Variants in STX18 observed in about 807,000 individuals in gnomAD.
The protein encoded by STX18 is syntaxin-18.
STX18 carries 40 observed loss-of-function variants against 50.1 expected under a neutral mutation model. The ratio of observed to expected loss-of-function variants is 0.80; its 90% CI spans 0.62 to 1.04. The LOEUF is 1.04. STX18 is among the 50% of genes least tolerant of loss of function. STX18 has a pLI of 0.00. For synonymous variants in STX18, 158 were observed against 151.8 expected, an observed-to-expected ratio of 1.04 and a Z score of -0.30; for missense variants, 410 against 415.8, an observed-to-expected ratio of 0.99 and a Z score of 0.12.
intron 5 of STX18, among the ~76,000 whole-genome samples, chr4:4,439,968 T>C (rs942557011): frequency 2.6e-5 from 4 of 152,238 alleles, no homozygotes; most frequent in African/African-American, 9.6e-5. Context: ...TATCTGTTGG[T>C]TGTCAGCCTT....
At chr4:4,486,327 A>C (rs1174149433) in intron 1 of STX18, among the ~76,000 whole-genome samples, 16 of 152,222 alleles carry the variant, frequency 1.1e-4, no homozygotes, top group Admixed American at 1.0e-3. Flanking sequence ...AGAACTTTGG[A>C]AAGTCTGCTC....
chr4:4,441,146 C>T (rs529608631), intron 5 of STX18, among the ~76,000 whole-genome samples: 2 of 152,318 alleles, frequency 1.3e-5, no homozygotes, highest in South Asian at 4.1e-4. Flanking sequence ...AGCTTCAGTG[C>T]CTTTCATGAC....
chr4:4,473,427 G>C (rs1332370588), intron 1 of STX18, among the ~76,000 whole-genome samples: 1 of 151,600 alleles, frequency 6.6e-6, no homozygotes, highest in Non-Finnish European at 1.5e-5. Context: ...GGAGTAGCTG[G>C]GACTACAGGC....
In STX18 at chr4:4,419,757, A is replaced by C. The variant is rs1293509805; in HGVS notation, c.*277T>G. The C allele has an allele frequency of 3.2e-6, 1 of 314,224 alleles. No individual in the cohort carries two copies. Among genetic ancestry groups the C allele is most frequent in the Non-Finnish European group, 5.9e-6 (1 of 168,124 alleles). 19.5% of individuals were successfully genotyped at this position (314,224 alleles called of 1,614,324 possible). The stretch of plus-strand genomic sequence containing the variant: ...CCTCAAGTTCAAGGAGCAGCTAATC[A>C]CCCACTCCTGCATTCAGTCTGTCTT... On this transcript the variant is annotated 3_prime_UTR_variant, in exon 11 of 11. Coordinates refer to ENST00000306200, the MANE Select transcript of STX18 (RefSeq NM_016930.4).
intron 1 of STX18, among the ~76,000 whole-genome samples, chr4:4,539,283 G>A (rs1731474223): frequency 6.6e-6 from 1 of 152,226 alleles, no homozygotes; most frequent in African/African-American, 2.4e-5. Context: ...CATTAAGTCT[G>A]ACAACCAGGG....
At chr4:4,507,483 T>C (rs1413730726) in intron 1 of STX18, 2 of 763,726 alleles carry the variant, frequency 2.6e-6, no homozygotes, top group African/African-American at 1.7e-5. Flanking sequence ...ATATTATCTT[T>C]ATCGCTCAGA....
chr4:4,487,646 T>A (rs1728757023), intron 1 of STX18, among the ~76,000 whole-genome samples: 1 of 152,142 alleles, frequency 6.6e-6, no homozygotes, highest in Non-Finnish European at 1.5e-5. Context: ...CAGCCTTCTG[T>A]CGCCTCCCCC....
At chr4:4,437,508 G>T in intron 6 of STX18, 1 of 598,172 alleles carries the variant, frequency 1.7e-6, no homozygotes, top group Non-Finnish European at 2.1e-6. Flanking sequence ...ATGCAAATAT[G>T]CAAAAATTTG....
intron 1 of STX18, among the ~76,000 whole-genome samples, chr4:4,523,616 C>T (rs1037098192): frequency 6.6e-6 from 1 of 152,170 alleles, no homozygotes; most frequent in African/African-American, 2.4e-5. Context: ...CAGCTCTTCT[C>T]AAATATATCG....
intron 1 of STX18, among the ~76,000 whole-genome samples, chr4:4,508,657 T>C (rs1234975982): frequency 6.6e-6 from 1 of 152,164 alleles, no homozygotes; most frequent in Non-Finnish European, 1.5e-5. Flanking sequence ...TCCCATCACC[T>C]AGGTGTTAAG....
chr4:4,429,994 A>C (rs1208578715), intron 7 of STX18, among the ~76,000 whole-genome samples: 1 of 152,220 alleles, frequency 6.6e-6, no homozygotes, highest in Admixed American at 6.5e-5. Context: ...AAGTAAAGTG[A>C]ATGTGTGTTT....
intron 1 of STX18, chr4:4,479,052 T>G (rs1418712916): frequency 6.6e-6 from 1 of 152,366 alleles, no homozygotes; most frequent in Non-Finnish European, 1.5e-5. Flanking sequence ...GCAAGTTGCT[T>G]AATCTCCGTG....
chr4:4,422,373 C>T (rs1041476651), intron 9 of STX18, among the ~76,000 whole-genome samples: 2 of 151,990 alleles, frequency 1.3e-5, no homozygotes, highest in Admixed American at 1.3e-4. Context: ...TCGGGACCAG[C>T]CTGGCCAAGA....
At position 4,420,185 on chromosome 4, in the gene STX18, G is replaced by A. The variant is rs1258767482; in HGVS notation, c.913-56C>T. On this transcript the variant is annotated intron_variant, in intron 10 of 10. Transcript: ENST00000306200. The surrounding 1 kb of genome is among the most constrained non-coding windows in gnomAD (Gnocchi z 4.3). ...ATCACACAGGATTTTGGTTTGAGCA[G>A]CCCTGAAATGCCCCCCTCTTCCCAC... 2.2e-6 allele frequency: 3 copies of A among 1,361,252 alleles called. No homozygotes were observed. Among genetic ancestry groups the A allele is most frequent in the Non-Finnish European group, 3.1e-6 (3 of 977,428 alleles). The allele number at this position is 1,361,252 out of a possible 1,614,324, so 84.3% of individuals were successfully genotyped here.
At chr4:4,513,251 C>T (rs1254813063) in intron 1 of STX18, among the ~76,000 whole-genome samples, 1 of 152,130 alleles carries the variant, frequency 6.6e-6, no homozygotes. Context: ...GGGGGACCCT[C>T]GTCTGGCCTG....
intron 1 of STX18, among the ~76,000 whole-genome samples, chr4:4,534,704 A>G (rs1211819748): frequency 4.6e-5 from 7 of 152,240 alleles, no homozygotes; most frequent in Admixed American, 4.6e-4. Flanking sequence ...ACTCCTCAGC[A>G]CTGCTAACAA....
intron 2 of STX18, among the ~76,000 whole-genome samples, chr4:4,460,826 G>A (rs948477972): frequency 1.3e-5 from 2 of 152,132 alleles, no homozygotes; most frequent in Admixed American, 6.5e-5. Context: ...AGACAAAGGC[G>A]CTAAGCCAGC....
At chr4:4,429,140 C>G (rs909598362) in intron 7 of STX18, among the ~76,000 whole-genome samples, 1 of 152,172 alleles carries the variant, frequency 6.6e-6, no homozygotes, top group Non-Finnish European at 1.5e-5. Flanking sequence ...GACTTAAGCT[C>G]TCTGTAAAAC....
In STX18 at chr4:4,511,713, AGTGTGTGTGTGTGTGTGTGT is replaced by A. The variant is rs3038434; in HGVS notation, c.168+30064_168+30083del. Reference sequence around the variant, plus strand: ...CAATCACCAAACAACACTCATGATTAGTGTGTGTGTGTGTGTGTGTGTGTGTGTGTGTGTGTGTGTGTGTG... The same window carrying A: ...CAATCACCAAACAACACTCATGATTAGTGTGTGTGTGTGTGTGTGTGTGTG... On this transcript the variant is annotated intron_variant, in intron 1 of 10. Transcript: ENST00000306200. Among the ~76,000 whole-genome samples the A allele has an allele frequency of 1.5e-3, 208 of 137,506 alleles. 1 individual carries two copies. Among genetic ancestry groups the A allele is most frequent in the African/African-American group, 5.2e-3 (191 of 36,946 alleles). 90.2% of individuals were successfully genotyped at this position (137,506 alleles called of 152,430 possible).
Sources: allele counts gnomAD v4.1 joint callset (sites outside exome capture counted in the v4.1 genomes callset), GRCh38; gene constraint gnomAD v4.1.1; non-coding constraint Gnocchi (gnomAD v3.1); transcripts MANE v1.5; gene names NCBI Gene and HGNC (gene_info 2026-07-23, HGNC 2026-07-21).